PTPRB: variants seen among roughly 807,000 people sequenced by gnomAD.
PTPRB encodes receptor-type tyrosine-protein phosphatase beta.
In PTPRB, 97 loss-of-function variants were observed where a neutral mutation model predicts 238.1. The observed-to-expected ratio is 0.41, with a 90% CI of 0.35 to 0.48. The LOEUF is 0.48. Ranked by LOEUF, PTPRB falls within the 20% of genes least tolerant of loss-of-function variation. The probability of loss-of-function intolerance (pLI) is 0.30; values close to 1 mark genes in which losing one functional copy is unlikely to be tolerated. For missense variants in PTPRB, 2,292 were observed against 2,681.9 expected (o/e 0.85, Z 3.21); for synonymous variants, 970 against 995.4 (o/e 0.97, Z 0.48).
At chr12:70,554,030 G>T (rs768446104) in intron 20 of PTPRB, among the ~76,000 whole-genome samples, 4 of 152,264 alleles carry the variant, frequency 2.6e-5, no homozygotes, top group Non-Finnish European at 5.9e-5. Flanking sequence ...TGTCTTCATT[G>T]CAGTCTAATT....
At chr12:70,617,404 A>G (rs925563424) in intron 3 of PTPRB, among the ~76,000 whole-genome samples, 8 of 152,188 alleles carry the variant, frequency 5.3e-5, no homozygotes, top group African/African-American at 1.9e-4. Context: ...TAGCATCAGC[A>G]GTCTCAGAGT....
At chr12:70,552,018 A>T (rs1187755153) in intron 21 of PTPRB, among the ~76,000 whole-genome samples, 2 of 152,256 alleles carry the variant, frequency 1.3e-5, no homozygotes, top group East Asian at 1.9e-4. Flanking sequence ...TGGAGCAAAG[A>T]GCGCTTCCAT....
chr12:70,605,926 T>A (rs1388908804), intron 4 of PTPRB, among the ~76,000 whole-genome samples: 5 of 152,062 alleles, frequency 3.3e-5, no homozygotes, highest in South Asian at 2.1e-4. Flanking sequence ...GAAAAAAAAA[T>A]GCCAACTTAT....
At chr12:70,522,863 CTTTTTTT>C (rs35913444) in intron 33 of PTPRB, among the ~76,000 whole-genome samples, 2 of 118,238 alleles carry the variant, frequency 1.7e-5, no homozygotes, top group Non-Finnish European at 3.3e-5. Flanking sequence ...TTTGTTTTTT[CTTTTTTT>C]TTTTTTTTTT....
rs1883011485 is a variant in PTPRB, at chr12:70,596,304, C to T, written c.1003G>A (p.Gly335Arg). Residue 335 changes from glycine (G) to arginine (R), a missense_variant, in exon 5 of 34, where the codon GGA (glycine) becomes AGA (arginine). Transcript: ENST00000334414. ...GAAGTCGTCTTCTCTTTACTGACTC[C>T]AAACCTAGCAGGAGGTAAAGGATCT... ...QTDPLPPARF[G>R]VSKEKTTSTS... 3.8e-6 allele frequency: 6 copies of T among 1,580,852 alleles called. No homozygotes were observed. Among genetic ancestry groups the T allele is most frequent in the Non-Finnish European group, 5.2e-6 (6 of 1,163,536 alleles).
intron 11 of PTPRB, 132 bp downstream of exon 11, chr12:70,576,250 G>A (rs1054580931): frequency 8.5e-5 from 85 of 995,250 alleles, no homozygotes; most frequent in Admixed American, 2.3e-4. Context: ...GTTAAAATAC[G>A]AAGACTTCAT....
rs545759540 is a variant in PTPRB, at chr12:70,589,890, G to T, written c.2050+74C>A. The T allele has an allele frequency of 1.2e-4, 172 of 1,437,642 alleles. No homozygotes were observed. In the African/African-American group the frequency reaches 1.5e-3, roughly 13 times the overall value. 89.1% of individuals were successfully genotyped at this position (1,437,642 alleles called of 1,614,324 possible). The stretch of plus-strand genomic sequence containing the variant: ...CCAGGGTATGATATTAGCAGTTACG[G>T]CAGTTACCTGGGTTACCTGGGAGAG... On this transcript the variant is annotated intron_variant, in intron 8 of 33. Coordinates refer to ENST00000334414, the MANE Select transcript of PTPRB (RefSeq NM_001109754.4).
chr12:70,536,001 A>ATG (rs1344833341), intron 29 of PTPRB, 24 bp downstream of exon 29: 2 of 1,609,624 alleles, frequency 1.2e-6, no homozygotes, highest in Non-Finnish European at 1.7e-6. Flanking sequence ...CAAAGCTTTG[A>ATG]TGCCAGGAAG....
At chr12:70,544,440 A>AGAT in intron 22 of PTPRB, 117 bp downstream of exon 22, 1 of 732,804 alleles carries the variant, frequency 1.4e-6, no homozygotes, top group Non-Finnish European at 2.3e-6. Flanking sequence ...GGTCACATAA[A>AGAT]GATTAAGTTC....
In PTPRB at chr12:70,556,690, CA is replaced by C. The variant is rs746250180; in HGVS notation, c.4715-543del. On this transcript the variant is annotated intron_variant, in intron 18 of 33. Coordinates refer to ENST00000334414, the MANE Select transcript of PTPRB (RefSeq NM_001109754.4). ...AGAAAACACCAAGGAGGATATATGC[CA>C]AAAAAACTATGGCTAGGCATATCGT... 7.2e-5 allele frequency among the ~76,000 whole-genome samples: 11 copies of C among 151,940 alleles called. No individual in the cohort carries two copies. The East Asian group carries it at 7.7e-4, about 11-fold the overall frequency.
At chr12:70,627,178 A>G (rs1465238533) in intron 2 of PTPRB, among the ~76,000 whole-genome samples, 1 of 152,148 alleles carries the variant, frequency 6.6e-6, no homozygotes, top group Non-Finnish European at 1.5e-5. Flanking sequence ...TTTAGGAGAA[A>G]AGACTGAAAT....
At chr12:70,571,517 A>G (rs956374904) in intron 12 of PTPRB, 2 of 588,712 alleles carry the variant, frequency 3.4e-6, no homozygotes, top group African/African-American at 1.9e-5. Context: ...ACATAATTAT[A>G]AAATGAGTTA....
intron 1 of PTPRB, among the ~76,000 whole-genome samples, chr12:70,637,100 A>G (rs1885737614): frequency 1.3e-5 from 2 of 152,198 alleles, no homozygotes; most frequent in Admixed American, 6.5e-5. Flanking sequence ...CTCTAAATGT[A>G]TCATTTCAGG....
intron 2 of PTPRB, among the ~76,000 whole-genome samples, chr12:70,634,350 TC>T (rs2136615661): frequency 6.6e-6 from 1 of 152,310 alleles, no homozygotes; most frequent in South Asian, 2.1e-4. Flanking sequence ...TTAATAAATA[TC>T]AAGTATTATG....
At chr12:70,542,511 G>A (rs544258378) in intron 22 of PTPRB, 1 of 151,808 alleles carries the variant, frequency 6.6e-6, no homozygotes, top group South Asian at 2.1e-4. Flanking sequence ...TTGGGAGGTG[G>A]AGGTTGCATT....
intron 4 of PTPRB, chr12:70,608,794 C>T: frequency 2.4e-6 from 1 of 411,542 alleles, no homozygotes. Flanking sequence ...ATTCCCACCG[C>T]AGCCCAAAGT....
At position 70,534,517 on chromosome 12, in the gene PTPRB, C is replaced by T. The variant is rs531140911; in HGVS notation, c.6339G>A (p.Pro2113=). The T allele has an allele frequency of 1.6e-5, 26 of 1,613,136 alleles. No homozygotes were observed. Among genetic ancestry groups the T allele is most frequent in the South Asian group, 8.8e-5 (8 of 90,946 alleles). Residue 2113 remains proline, a synonymous_variant, in exon 31 of 34, where the codon CCG becomes CCA. Transcript: ENST00000334414. ...AGTGCACCACAGTGGGCCCAGCACC[C>T]GGGCTTCTGTTGATGTAGTCCCTGA... ...RTVRDYINRS[P]GAGPTVVHCS...
chr12:70,527,409 C>T (rs1357273607), intron 32 of PTPRB, among the ~76,000 whole-genome samples: 1 of 152,128 alleles, frequency 6.6e-6, no homozygotes, highest in Non-Finnish European at 1.5e-5. Context: ...TCTAGTGCAG[C>T]TAAAATGCTG....
intron 12 of PTPRB, chr12:70,571,509 A>G: frequency 1.7e-6 from 1 of 592,136 alleles, no homozygotes; most frequent in East Asian, 2.9e-5. Context: ...TTGGTAGAAC[A>G]TAATTATAAA....
Sources: allele counts gnomAD v4.1 joint callset (sites outside exome capture counted in the v4.1 genomes callset), GRCh38; gene constraint gnomAD v4.1.1; transcripts MANE v1.5; gene names NCBI Gene and HGNC (gene_info 2026-07-23, HGNC 2026-07-21).